Variants in DLC1 observed in about 807,000 individuals in gnomAD.
DLC1 encodes DLC1 Rho GTPase activating protein, also known as rho GTPase-activating protein 7.
Under a neutral mutation model 140.3 loss-of-function variants are expected in DLC1, and 54 were observed. The observed-to-expected ratio is 0.38, with a 90% confidence interval of 0.31 to 0.48. The LOEUF is 0.48. Ranked by LOEUF, DLC1 falls within the 20% of genes least tolerant of loss-of-function variation. The pLI, the probability that DLC1 is intolerant of heterozygous loss-of-function variation, is 0.96. For missense variants in DLC1, 2,536 were observed against 1,907.0 expected (o/e 1.33, Z -6.14); for synonymous variants, 986 against 728.1 (o/e 1.35, Z -5.70).
At chr8:13,496,620 A>G (rs1033283269) in intron 2 of DLC1, among the ~76,000 whole-genome samples, 1 of 151,808 alleles carries the variant, frequency 6.6e-6, no homozygotes, top group African/African-American at 2.4e-5. Context: ...ACATTTTGAC[A>G]TTAAGATTTG....
At chr8:13,427,287 T>C (rs1585089543) in intron 2 of DLC1, among the ~76,000 whole-genome samples, 1 of 152,128 alleles carries the variant, frequency 6.6e-6, no homozygotes, top group Non-Finnish European at 1.5e-5. Flanking sequence ...CCAACTCGGC[T>C]CATGGGGCTC....
chr8:13,312,047 T>A (rs1044036909), intron 4 of DLC1, among the ~76,000 whole-genome samples: 2 of 152,180 alleles, frequency 1.3e-5, no homozygotes, highest in Non-Finnish European at 2.9e-5. Context: ...ATTCTAATCA[T>A]TATTCTAAGT....
At chr8:13,438,489 A>G (rs778105894) in intron 2 of DLC1, among the ~76,000 whole-genome samples, 2 of 152,186 alleles carry the variant, frequency 1.3e-5, no homozygotes, top group Non-Finnish European at 2.9e-5. Context: ...TCTCTCACTC[A>G]GAATAATTCA....
At chr8:13,440,236 T>C (rs147085541) in intron 2 of DLC1, among the ~76,000 whole-genome samples, 4 of 152,320 alleles carry the variant, frequency 2.6e-5, no homozygotes, top group African/African-American at 9.6e-5. Context: ...TTCTATGAAA[T>C]CCATGTTGAG....
At chr8:13,396,611 T>C (rs546517192) in intron 3 of DLC1, among the ~76,000 whole-genome samples, 1 of 152,150 alleles carries the variant, frequency 6.6e-6, no homozygotes, top group East Asian at 1.9e-4. Context: ...TTGACCAAAG[T>C]CGTATCCCAA....
At chr8:13,268,872 C>CTTTTTTTT (rs57984324) in intron 5 of DLC1, among the ~76,000 whole-genome samples, 2 of 126,460 alleles carry the variant, frequency 1.6e-5, no homozygotes, top group Admixed American at 8.0e-5. Context: ...TGCTTCCTTC[C>CTTTTTTTT]TTTTTTTTTT....
intron 3 of DLC1, among the ~76,000 whole-genome samples, chr8:13,398,097 C>T (rs554144088): frequency 6.6e-6 from 1 of 151,858 alleles, no homozygotes; most frequent in Admixed American, 6.6e-5. Context: ...CGCCACTGCA[C>T]TCTAGCCTGG....
At position 13,299,938 on chromosome 8, in the gene DLC1, A is replaced by G. The variant is rs114830316; in HGVS notation, c.1348+5331T>C. Among the ~76,000 whole-genome samples, 471 of 152,330 alleles carry G rather than the reference A, an allele frequency of 3.1e-3. 1 individual carries two copies. The highest frequency in any genetic ancestry group is 0.01 in the African/African-American group (432 of 41,574). ...TCAGCAATCGCATTACTGGGTATATATTCAAAGGAGTATAAATCATTCTAT... is the reference window on the plus strand; with the variant it reads ...TCAGCAATCGCATTACTGGGTATATGTTCAAAGGAGTATAAATCATTCTAT... On this transcript the variant is annotated intron_variant, in intron 5 of 17. Transcript: ENST00000276297.
At chr8:13,572,165 C>A (rs1456514128) in intron 1 of DLC1, among the ~76,000 whole-genome samples, 2 of 151,032 alleles carry the variant, frequency 1.3e-5, no homozygotes, top group African/African-American at 2.4e-5. Flanking sequence ...TCTCGCCTCA[C>A]TGCAAGCTCC....
At chr8:13,440,982 A>G (rs1304950175) in intron 2 of DLC1, among the ~76,000 whole-genome samples, 1 of 152,036 alleles carries the variant, frequency 6.6e-6, no homozygotes, top group African/African-American at 2.4e-5. Flanking sequence ...TGCTTTATTC[A>G]CACTTTCTTG....
At chr8:13,572,098 T>TA (rs199764379) in intron 1 of DLC1, among the ~76,000 whole-genome samples, 5,976 of 147,466 alleles carry the variant, frequency 0.041, 145 homozygotes, top group Non-Finnish European at 0.045. Context: ...ATTATTTATT[T>TA]TTTTTTTTTG....
intron 5 of DLC1, among the ~76,000 whole-genome samples, chr8:13,126,365 C>CCACACA (rs974648895): frequency 2.5e-4 from 27 of 106,578 alleles, no homozygotes; most frequent in African/African-American, 1.3e-3. Flanking sequence ...ATCTCTCTAT[C>CCACACA]CATACACACA....
intron 2 of DLC1, among the ~76,000 whole-genome samples, chr8:13,456,343 T>C (rs542866388): frequency 5.9e-5 from 9 of 152,374 alleles, no homozygotes; most frequent in African/African-American, 2.2e-4. Flanking sequence ...GTGAAAGTTT[T>C]TTTGCCTTGC....
intron 5 of DLC1, among the ~76,000 whole-genome samples, chr8:13,272,822 C>T (rs578237179): frequency 5.3e-5 from 8 of 152,220 alleles, no homozygotes; most frequent in South Asian, 2.1e-4. Context: ...TAAAGTGAGC[C>T]GAGATCGCGC....
At chr8:13,384,890 A>G (rs957582607) in intron 4 of DLC1, among the ~76,000 whole-genome samples, 1 of 152,000 alleles carries the variant, frequency 6.6e-6, no homozygotes, top group African/African-American at 2.4e-5. Context: ...GCTCTTGGAA[A>G]TGAAACAGGC....
intron 1 of DLC1, among the ~76,000 whole-genome samples, chr8:13,544,551 A>G (rs1178757807): frequency 6.6e-6 from 1 of 152,126 alleles, no homozygotes; most frequent in African/African-American, 2.4e-5. Flanking sequence ...AGAACAGACA[A>G]AAGAACTGAA....
chr8:13,300,025 A>C (rs1376869122), intron 5 of DLC1, among the ~76,000 whole-genome samples: 4 of 152,206 alleles, frequency 2.6e-5, no homozygotes, highest in Non-Finnish European at 4.4e-5. Flanking sequence ...AAGACATGGA[A>C]TCAACCCAAA....
intron 2 of DLC1, among the ~76,000 whole-genome samples, chr8:13,479,186 T>G (rs537517873): frequency 5.3e-4 from 81 of 152,332 alleles, no homozygotes; most frequent in African/African-American, 1.9e-3. Flanking sequence ...TCAGTACATT[T>G]TAAGCACTTA....
chr8:13,449,277 T>A (rs997845260), intron 2 of DLC1, among the ~76,000 whole-genome samples: 1 of 152,266 alleles, frequency 6.6e-6, no homozygotes, highest in African/African-American at 2.4e-5. Flanking sequence ...GCCATAGAGT[T>A]GATATAATAG....
Sources: allele counts gnomAD v4.1 joint callset (sites outside exome capture counted in the v4.1 genomes callset), GRCh38; gene constraint gnomAD v4.1.1; transcripts MANE v1.5; gene names NCBI Gene and HGNC (gene_info 2026-07-23, HGNC 2026-07-21).